ZNF385B: variants seen among roughly 807,000 people sequenced by gnomAD.
The protein encoded by ZNF385B is zinc finger protein 533.
ZNF385B carries 23 observed loss-of-function variants against 39.2 expected under a neutral mutation model. The ratio of observed to expected loss-of-function variants is 0.59; its 90% CI spans 0.42 to 0.83. The LOEUF is 0.83. Among genes scored for constraint, ZNF385B ranks in the 40% least tolerant of loss-of-function variants. The probability of loss-of-function intolerance (pLI) is 0.00; values close to 1 mark genes in which losing one functional copy is unlikely to be tolerated. For missense variants in ZNF385B, 552 were observed against 598.9 expected, an observed-to-expected ratio of 0.92 and a Z score of 0.82; for synonymous variants, 205 against 222.6, an observed-to-expected ratio of 0.92 and a Z score of 0.70.
At chr2:179,731,495 G>A (rs888492454) in intron 3 of ZNF385B, among the ~76,000 whole-genome samples, 1 of 152,218 alleles carries the variant, frequency 6.6e-6, no homozygotes, top group Non-Finnish European at 1.5e-5. Flanking sequence ...CACCTGCACT[G>A]CAGAGCGCAA....
intron 6 of ZNF385B, among the ~76,000 whole-genome samples, chr2:179,471,726 A>G (rs571411991): frequency 2.0e-5 from 3 of 152,348 alleles, no homozygotes; most frequent in South Asian, 2.1e-4. Context: ...TTGGATTTCA[A>G]TAGAATTCAT....
chr2:179,696,041 T>A (rs1261728319), intron 3 of ZNF385B, among the ~76,000 whole-genome samples: 3 of 152,214 alleles, frequency 2.0e-5, no homozygotes, highest in Admixed American at 2.0e-4. Flanking sequence ...AATCCATTTA[T>A]ATGAAAGTCC....
intron 5 of ZNF385B, among the ~76,000 whole-genome samples, chr2:179,493,836 A>C (rs1031175275): frequency 1.1e-5 from 1 of 94,938 alleles, no homozygotes; most frequent in African/African-American, 3.7e-5. Context: ...AGGGAGAAAA[A>C]CATTCTAAAA....
chr2:179,794,765 G>A (rs1429379122), intron 1 of ZNF385B, among the ~76,000 whole-genome samples: 1 of 152,016 alleles, frequency 6.6e-6, no homozygotes, highest in Non-Finnish European at 1.5e-5. Flanking sequence ...GAGGAAAGAG[G>A]GATCAATGTG....
At chr2:179,657,997 TTCAA>T (rs1482487979) in intron 3 of ZNF385B, among the ~76,000 whole-genome samples, 1 of 152,192 alleles carries the variant, frequency 6.6e-6, no homozygotes, top group East Asian at 1.9e-4. Context: ...ACCTTAAATT[TTCAA>T]TCAAAGGGAG....
intron 4 of ZNF385B, 107 bp downstream of exon 4, chr2:179,544,720 G>T: frequency 7.3e-7 from 1 of 1,375,132 alleles, no homozygotes; most frequent in Non-Finnish European, 1.0e-6. Context: ...ACCAATATAT[G>T]GTCTAAAATT....
intron 3 of ZNF385B, among the ~76,000 whole-genome samples, chr2:179,560,969 A>G (rs555989329): frequency 2.0e-5 from 3 of 152,328 alleles, no homozygotes; most frequent in African/African-American, 7.2e-5. Context: ...CCACGACGGT[A>G]TCTGCCATAC....
chr2:179,590,754 G>A (rs1187539961), intron 3 of ZNF385B, among the ~76,000 whole-genome samples: 1 of 151,996 alleles, frequency 6.6e-6, no homozygotes, highest in Admixed American at 6.6e-5. Context: ...AGATCTGATT[G>A]CTTAAAAGTG....
intron 3 of ZNF385B, among the ~76,000 whole-genome samples, chr2:179,679,505 A>C (rs1268260316): frequency 6.6e-6 from 1 of 152,230 alleles, no homozygotes; most frequent in Admixed American, 6.5e-5. Context: ...TTACAGATGT[A>C]CCACTGGATC....
intron 3 of ZNF385B, among the ~76,000 whole-genome samples, chr2:179,676,129 C>A (rs1696745887): frequency 6.9e-6 from 1 of 145,546 alleles, no homozygotes; most frequent in Non-Finnish European, 1.5e-5. Context: ...CGCTTTGCCG[C>A]CCAGGCTGGA....
At chr2:179,518,702 A>AT in intron 4 of ZNF385B, 64 bp from the exon 5 acceptor site, 3 of 974,822 alleles carry the variant, frequency 3.1e-6, no homozygotes, top group Non-Finnish European at 4.5e-6. Context: ...GTGTGAGCAA[A>AT]TAACAGTAGT....
intron 3 of ZNF385B, among the ~76,000 whole-genome samples, chr2:179,689,045 A>G (rs1020871477): frequency 6.6e-6 from 1 of 152,228 alleles, no homozygotes; most frequent in African/African-American, 2.4e-5. Flanking sequence ...AACCGCAGTG[A>G]GATCTATATT....
In ZNF385B at chr2:179,539,024, T is replaced by C. The variant is rs558378014; in HGVS notation, c.441+5803A>G. On this transcript the variant is annotated intron_variant, in intron 4 of 9. Coordinates refer to ENST00000410066, the MANE Select transcript of ZNF385B (RefSeq NM_152520.6). The stretch of plus-strand genomic sequence containing the variant: ...GCAGGTGCTAAAAATAAACTTCACT[T>C]ACTTACTGTCACATCATGTAAGTTG... Among the ~76,000 whole-genome samples, 5 of 152,372 alleles carry C rather than the reference T, an allele frequency of 3.3e-5. No individual in the cohort carries two copies. In the East Asian group the frequency reaches 9.6e-4, roughly 29 times the overall value.
At chr2:179,711,332 C>T (rs969487601) in intron 3 of ZNF385B, among the ~76,000 whole-genome samples, 3 of 152,102 alleles carry the variant, frequency 2.0e-5, no homozygotes, top group African/African-American at 4.8e-5. Flanking sequence ...TTATTATATA[C>T]GTTATTTTTT....
chr2:179,743,176 T>A (rs933439493), intron 3 of ZNF385B, among the ~76,000 whole-genome samples: 4 of 152,048 alleles, frequency 2.6e-5, no homozygotes, highest in Non-Finnish European at 5.9e-5. Flanking sequence ...AAGTTTCTAA[T>A]TCTCAACCCA....
At chr2:179,637,094 G>A (rs189955447) in intron 3 of ZNF385B, 1 of 152,160 alleles carries the variant, frequency 6.6e-6, no homozygotes, top group South Asian at 2.1e-4. Context: ...CTAGCAAGAG[G>A]AGAAATGATG....
At chr2:179,567,944 C>T (rs1192250737) in intron 3 of ZNF385B, among the ~76,000 whole-genome samples, 1 of 152,158 alleles carries the variant, frequency 6.6e-6, no homozygotes, top group Non-Finnish European at 1.5e-5. Context: ...ACATTTGGTT[C>T]TCACACAGCA....
chr2:179,446,816 T>C (rs774673054), intron 6 of ZNF385B, 46 bp from the exon 7 acceptor site: 22 of 1,534,510 alleles, frequency 1.4e-5, no homozygotes, highest in Non-Finnish European at 1.7e-5. Flanking sequence ...ATATATCATA[T>C]AAACAAAGAT....
chr2:179,831,541 TG>T (rs946469843), intron 1 of ZNF385B, among the ~76,000 whole-genome samples: 16 of 152,184 alleles, frequency 1.1e-4, no homozygotes, highest in African/African-American at 3.6e-4. Flanking sequence ...TAAGATTTTT[TG>T]TTTTTAAAAA....
Sources: gnomAD v4.1 joint callset for allele counts (sites outside exome capture counted in the v4.1 genomes callset) on GRCh38, gnomAD v4.1.1 for gene constraint, MANE v1.5 for transcripts, NCBI Gene and HGNC (gene_info 2026-07-23, HGNC 2026-07-21) for gene names.